Variants in CTNNAL1 observed in about 807,000 individuals in gnomAD.
CTNNAL1 encodes the protein catenin alpha like 1.
A neutral mutation model predicts 93.6 loss-of-function variants in CTNNAL1; 69 were observed. The observed-to-expected ratio is 0.74, with a 90% CI of 0.61 to 0.90. CTNNAL1 has a LOEUF of 0.90. Among genes scored for constraint, CTNNAL1 ranks in the 40% least tolerant of loss-of-function variants. The pLI, the probability that CTNNAL1 is intolerant of heterozygous loss-of-function variation, is 0.00. For missense variants in CTNNAL1, 836 were observed against 862.0 expected, an observed-to-expected ratio of 0.97 and a Z score of 0.38; for synonymous variants, 286 against 305.4, an observed-to-expected ratio of 0.94 and a Z score of 0.66.
At chr9:108,966,298 T>C (rs1471080808) in intron 10 of CTNNAL1, among the ~76,000 whole-genome samples, 5 of 152,184 alleles carry the variant, frequency 3.3e-5, no homozygotes, top group Non-Finnish European at 5.9e-5. Context: ...GCTAAATAAA[T>C]GTGTTGAATA....
chr9:108,972,864 G>GGGCCCC, intron 8 of CTNNAL1, 31 bp from the exon 9 acceptor site: 12 of 142,528 alleles, frequency 8.4e-5, no homozygotes, highest in Non-Finnish European at 1.0e-4. Flanking sequence ...GGGGGGGTGG[G>GGGCCCC]AGGGTGGAGA....
intron 1 of CTNNAL1, among the ~76,000 whole-genome samples, chr9:108,999,928 C>T (rs754640956): frequency 1.3e-5 from 2 of 152,144 alleles, no homozygotes; most frequent in Non-Finnish European, 2.9e-5. Flanking sequence ...GGAACTAGTA[C>T]ATGAACTATG....
At chr9:108,996,264 C>G (rs1261935367) in intron 2 of CTNNAL1, among the ~76,000 whole-genome samples, 1 of 152,080 alleles carries the variant, frequency 6.6e-6, no homozygotes, top group Non-Finnish European at 1.5e-5. Flanking sequence ...ACCCAGCCAG[C>G]TCCAGTTTTT....
At chr9:108,998,388 C>CTT (rs201408861) in intron 2 of CTNNAL1, among the ~76,000 whole-genome samples, 9 of 142,656 alleles carry the variant, frequency 6.3e-5, no homozygotes, top group Admixed American at 1.4e-4. Context: ...TCTTACCTTG[C>CTT]TTTTTTTTTT....
chr9:109,012,845 G>A (rs1827249366), intron 1 of CTNNAL1, among the ~76,000 whole-genome samples: 1 of 152,334 alleles, frequency 6.6e-6, no homozygotes, highest in Admixed American at 6.5e-5. Flanking sequence ...CCAGGCGGAG[G>A]AGCCGGGCTC....
At chr9:108,972,864 G>GGGGGGGGGGGGCCCCCCCCCCCCCCC in intron 8 of CTNNAL1, 31 bp from the exon 9 acceptor site, 1 of 142,578 alleles carries the variant, frequency 7.0e-6, no homozygotes, top group Non-Finnish European at 1.0e-5. Context: ...GGGGGGGTGG[G>GGGGGGGGGGGGCCCCCCCCCCCCCCC]AGGGTGGAGA....
In CTNNAL1 at chr9:108,984,403, C is replaced by A; in HGVS notation, c.673G>T (p.Ala225Ser). ...TTTTCAAGAACTGCCCTAGCTGCTG[C>A]CATTTTTGCCTTTTTCTTTTCATCT... Reference protein sequence around the residue: ...LKDEKKKAKMAAARAVLEKCT... With the variant: ...LKDEKKKAKMSAARAVLEKCT... The change falls in exon 5 of 19, where the codon GCA (alanine) becomes TCA (serine). Residue 225 changes from alanine to serine, a missense_variant. Coordinates refer to ENST00000325551, the MANE Select transcript of CTNNAL1 (RefSeq NM_003798.4). 6.2e-7 allele frequency: 1 copy of A among 1,611,350 alleles called. No individual in the cohort carries two copies. Among genetic ancestry groups the A allele is most frequent in the Non-Finnish European group, 8.5e-7 (1 of 1,177,692 alleles).
At chr9:108,978,179 C>A (rs1222916843) in intron 7 of CTNNAL1, among the ~76,000 whole-genome samples, 1 of 152,190 alleles carries the variant, frequency 6.6e-6, no homozygotes, top group African/African-American at 2.4e-5. Context: ...AAACTGAACA[C>A]TGAAGCAATC....
At chr9:108,948,324 T>A in intron 14 of CTNNAL1, 90 bp from the exon 15 acceptor site, 2 of 1,245,140 alleles carry the variant, frequency 1.6e-6, no homozygotes, top group Non-Finnish European at 2.2e-6. Context: ...CATTTGTGTA[T>A]TAACAAATCC....
At chr9:108,974,731 G>A (rs530867530) in intron 8 of CTNNAL1, among the ~76,000 whole-genome samples, 115 of 152,182 alleles carry the variant, frequency 7.6e-4, no homozygotes, top group Non-Finnish European at 1.4e-3. Context: ...GGAGGATGAG[G>A]CAGGAGGATC....
At position 108,965,573 on chromosome 9, in the gene CTNNAL1, C is replaced by A. The variant is rs771379645; in HGVS notation, c.1441-45G>T. On this transcript the variant is annotated intron_variant, in intron 10 of 18. Coordinates refer to ENST00000325551, the MANE Select transcript of CTNNAL1 (RefSeq NM_003798.4). ...ACCTGTGTGAATTTCAAAATCTTAG[C>A]CCTCAGAATCACTTTGAAGACCAAA... is the stretch of plus-strand genomic sequence containing the variant. 2.0e-5 allele frequency: 24 copies of A among 1,205,198 alleles called. No homozygotes were observed. In the Admixed American group the frequency reaches 6.5e-4, roughly 33 times the overall value. 74.7% of individuals were successfully genotyped at this position (1,205,198 alleles called of 1,614,324 possible). A position where few individuals can be genotyped will look rare whatever the true frequency, so the allele number is the denominator to read the frequency against.
At chr9:108,956,270 G>A (rs1357802818) in intron 11 of CTNNAL1, among the ~76,000 whole-genome samples, 5 of 152,138 alleles carry the variant, frequency 3.3e-5, no homozygotes, top group African/African-American at 1.2e-4. Flanking sequence ...TCTCAGTCAG[G>A]GAAGAAGAAA....
chr9:108,952,145 AC>A, intron 14 of CTNNAL1, 63 bp downstream of exon 14: 1 of 1,396,326 alleles, frequency 7.2e-7, no homozygotes, highest in Non-Finnish European at 9.7e-7. Context: ...TTAACATGGA[AC>A]TTTTTTCTTT....
chr9:108,982,940 T>C (rs1831479811), intron 6 of CTNNAL1, among the ~76,000 whole-genome samples: 1 of 152,046 alleles, frequency 6.6e-6, no homozygotes, highest in South Asian at 2.1e-4. Context: ...TAGCCAGGCA[T>C]GGTAGCACAT....
At chr9:109,004,060 G>C (rs1209868374) in intron 1 of CTNNAL1, among the ~76,000 whole-genome samples, 2 of 152,160 alleles carry the variant, frequency 1.3e-5, no homozygotes, top group Non-Finnish European at 2.9e-5. Context: ...TAAAGTCACT[G>C]TGGTTTTCAT....
At chr9:109,009,222 A>G (rs1204027703) in intron 1 of CTNNAL1, among the ~76,000 whole-genome samples, 1 of 151,978 alleles carries the variant, frequency 6.6e-6, no homozygotes, top group Non-Finnish European at 1.5e-5. Flanking sequence ...AAGAAGTCGA[A>G]TTTATCCATT....
At chr9:108,951,173 G>T (rs1564121890) in intron 14 of CTNNAL1, among the ~76,000 whole-genome samples, 2 of 150,924 alleles carry the variant, frequency 1.3e-5, no homozygotes, top group Non-Finnish European at 3.0e-5. Flanking sequence ...ACCACGCCCG[G>T]CTAACTTTTT....
chr9:108,955,275 C>G (rs1295881627), intron 12 of CTNNAL1, among the ~76,000 whole-genome samples: 2 of 152,182 alleles, frequency 1.3e-5, no homozygotes, highest in Admixed American at 6.5e-5. Context: ...CATAAGACAC[C>G]GTGCCCAGCC....
intron 6 of CTNNAL1, among the ~76,000 whole-genome samples, chr9:108,981,982 C>T (rs1424106128): frequency 6.6e-6 from 1 of 152,172 alleles, no homozygotes; most frequent in Non-Finnish European, 1.5e-5. Flanking sequence ...ATGCCATTCT[C>T]ATCATAGCCC....
Sources: allele counts gnomAD v4.1 joint callset (sites outside exome capture counted in the v4.1 genomes callset), GRCh38; gene constraint gnomAD v4.1.1; transcripts MANE v1.5; gene names NCBI Gene and HGNC (gene_info 2026-07-23, HGNC 2026-07-21).